EDC3: variants seen among roughly 807,000 people sequenced by gnomAD.
EDC3 encodes enhancer of mRNA-decapping protein 3.
EDC3 carries 20 observed loss-of-function variants against 41.8 expected under a neutral mutation model. The observed-to-expected ratio is 0.48, with a 90% CI of 0.34 to 0.70. The LOEUF is 0.70. EDC3 is among the 30% of genes least tolerant of loss of function. EDC3 has a pLI of 0.01. For missense variants in EDC3, 444 were observed against 636.8 expected, an observed-to-expected ratio of 0.70 and a Z score of 3.26; for synonymous variants, 206 against 243.2, an observed-to-expected ratio of 0.85 and a Z score of 1.42.
chr15:74,658,624 G>GAAAAAAAA (rs60193835), intron 3 of EDC3, among the ~76,000 whole-genome samples: 3 of 39,038 alleles, frequency 7.7e-5, no homozygotes, highest in African/African-American at 2.0e-4. Flanking sequence ...TTACGTCTCT[G>GAAAAAAAA]AAAAAAAAAA....
chr15:74,656,155 G>A, intron 3 of EDC3, 87 bp from the exon 4 acceptor site: 1 of 1,260,744 alleles, frequency 7.9e-7, no homozygotes, highest in Non-Finnish European at 1.1e-6. Flanking sequence ...TGTGGAGAGT[G>A]TTACAGGAAC....
intron 1 of EDC3, among the ~76,000 whole-genome samples, chr15:74,688,901 T>C (rs539261417): frequency 6.8e-6 from 1 of 146,794 alleles, no homozygotes; most frequent in African/African-American, 2.5e-5. Context: ...AGCGAGATGC[T>C]GTCTCAAAAA....
chr15:74,677,262 C>A (rs1010286496), intron 1 of EDC3, among the ~76,000 whole-genome samples: 4 of 151,752 alleles, frequency 2.6e-5, no homozygotes, highest in Non-Finnish European at 4.4e-5. Flanking sequence ...GGGGTTTCAC[C>A]ATGTTGGTCA....
intron 4 of EDC3, among the ~76,000 whole-genome samples, chr15:74,654,719 TC>T (rs987271762): frequency 4.6e-5 from 7 of 151,896 alleles, no homozygotes; most frequent in Non-Finnish European, 7.4e-5. Context: ...TTTTTTTTTT[TC>T]ACATGGAAAG....
At chr15:74,647,286 A>C (rs566660871) in intron 4 of EDC3, among the ~76,000 whole-genome samples, 1 of 152,272 alleles carries the variant, frequency 6.6e-6, no homozygotes, top group African/African-American at 2.4e-5. Flanking sequence ...ATTTCAAGAG[A>C]ATGGTATATA....
chr15:74,632,674 C>A lies in EDC3; in HGVS notation c.1465G>T (p.Val489Leu), dbSNP rs751440142. 5.0e-6 allele frequency: 8 copies of A among 1,614,048 alleles called. 1 individual carries two copies. The African/African-American group carries it at 1.1e-4, about 22-fold the overall frequency. ...IGIPQQVFQE[V>L]GINYHSPFGC... is the part of the protein sequence containing the mutation. ...AAGGGCGAGTGGTAGTTGATGCCCA[C>A]CTCCTGGAAGACCTGCTGGGGAATG... is the stretch of plus-strand genomic sequence containing the variant. The change falls in exon 7 of 7, where the codon GTG becomes TTG. Residue 489 changes from valine to leucine, a missense_variant. Coordinates refer to ENST00000315127, the MANE Select transcript of EDC3 (RefSeq NM_025083.5). This position sits in a 1 kb window ranked among gnomAD's most constrained non-coding sequence, Gnocchi z 4.0.
Position 74,656,035 on chromosome 15 carries a change from G to T in EDC3, c.518C>A (p.Thr173Asn). Residue 173 changes from threonine to asparagine, a missense_variant, in exon 4 of 7, where the codon ACT becomes AAT. Around this residue, in one of 3 missense-constraint regions of EDC3, gnomAD observed 200 missense variants for 244.0 expected, o/e 0.82. Transcript: ENST00000315127. ...ATTCTTTAAACCACTTTTCTTGGGA[G>T]TTGCCTGATTTGGGTGCCTGCTACT... ...SSSSRHPNQA[T>N]PKKSGLKNGQ... is the part of the protein sequence containing the mutation. 1 of 1,612,544 alleles carries T rather than the reference G, an allele frequency of 6.2e-7. No homozygotes were observed. Among genetic ancestry groups the T allele is most frequent in the Non-Finnish European group, 8.5e-7 (1 of 1,179,100 alleles).
At chr15:74,663,236 C>T (rs569688726) in intron 3 of EDC3, among the ~76,000 whole-genome samples, 1 of 151,664 alleles carries the variant, frequency 6.6e-6, no homozygotes, top group Non-Finnish European at 1.5e-5. Flanking sequence ...TGCAGTGAGC[C>T]GAGATGGCGC....
At chr15:74,691,819 G>T (rs80312495) in intron 1 of EDC3, among the ~76,000 whole-genome samples, 7,359 of 151,914 alleles carry the variant, frequency 0.048, 303 homozygotes, top group African/African-American at 0.11. Context: ...TATTTTCTGG[G>T]TTTTTTTGGG....
rs10601683 is a variant in EDC3, at chr15:74,659,487, A to AATATATATATATATATATAT, written c.485-3439_485-3420dup. On this transcript the variant is annotated intron_variant, in intron 3 of 6. Transcript: ENST00000315127. ...AAAAAATAAATAAATAAAAAATAGA[A>AATATATATATATATATATAT]ATATATATATATATATATATATATA... Among the ~76,000 whole-genome samples, 497 of 141,960 alleles carry AATATATATATATATATATAT rather than the reference A, an allele frequency of 3.5e-3. 2 individuals carry two copies. Among genetic ancestry groups the AATATATATATATATATATAT allele is most frequent in the African/African-American group, 0.012 (472 of 37,830 alleles). 93.1% of individuals were successfully genotyped at this position (141,960 alleles called of 152,430 possible).
At chr15:74,675,362 G>A (rs541556536) in intron 1 of EDC3, among the ~76,000 whole-genome samples, 202 of 151,318 alleles carry the variant, frequency 1.3e-3, no homozygotes, top group Non-Finnish European at 2.5e-3. Flanking sequence ...TCTTATAATT[G>A]CTTTAAAGCG....
chr15:74,649,578 C>T (rs1027713866), intron 4 of EDC3, among the ~76,000 whole-genome samples: 2 of 152,090 alleles, frequency 1.3e-5, no homozygotes, highest in African/African-American at 4.8e-5. Flanking sequence ...CTGAGGTGGC[C>T]TTTGCAAATT....
intron 3 of EDC3, among the ~76,000 whole-genome samples, chr15:74,666,965 C>G (rs1244832034): frequency 6.6e-6 from 1 of 152,066 alleles, no homozygotes; most frequent in Non-Finnish European, 1.5e-5. Flanking sequence ...ACCTAAATAA[C>G]TCTAGAAATG....
chr15:74,645,606 A>G (rs1474925183), intron 4 of EDC3, among the ~76,000 whole-genome samples: 1 of 149,622 alleles, frequency 6.7e-6, no homozygotes, highest in East Asian at 2.0e-4. Context: ...TGCCCGGCCA[A>G]AGAGTAATCC....
intron 4 of EDC3, among the ~76,000 whole-genome samples, chr15:74,649,640 G>A (rs1481085311): frequency 6.6e-6 from 1 of 152,114 alleles, no homozygotes; most frequent in Admixed American, 6.5e-5. Flanking sequence ...TGGGTATTGT[G>A]CTAGCTACTT....
At chr15:74,664,218 T>C (rs2062653621) in intron 3 of EDC3, among the ~76,000 whole-genome samples, 1 of 152,252 alleles carries the variant, frequency 6.6e-6, no homozygotes, top group African/African-American at 2.4e-5. Flanking sequence ...TTCCCTTTCC[T>C]CATACTTTAA....
intron 3 of EDC3, among the ~76,000 whole-genome samples, chr15:74,661,730 C>CA (rs765980886): frequency 0.036 from 3,946 of 108,816 alleles, 157 homozygotes; most frequent in East Asian, 0.1. Flanking sequence ...GACTCTGTCT[C>CA]AAAAAAAAAA....
chr15:74,644,559 G>A (rs192340654), intron 4 of EDC3: 1 of 151,940 alleles, frequency 6.6e-6, no homozygotes, highest in Non-Finnish European at 1.5e-5. Flanking sequence ...TGTAGATGAC[G>A]GGTTGTTGGG....
intron 1 of EDC3, among the ~76,000 whole-genome samples, chr15:74,679,369 A>T (rs1203349010): frequency 6.6e-6 from 1 of 152,114 alleles, no homozygotes; most frequent in Non-Finnish European, 1.5e-5. Context: ...TCCAGCAATA[A>T]ATTTTAAAAG....
Sources: gnomAD v4.1 joint callset for allele counts (sites outside exome capture counted in the v4.1 genomes callset) on GRCh38, gnomAD v4.1.1 for gene constraint, gnomAD v4.1.1 regional missense constraint, Gnocchi (gnomAD v3.1) non-coding constraint, MANE v1.5 for transcripts, NCBI Gene and HGNC (gene_info 2026-07-23, HGNC 2026-07-21) for gene names.